Variants in ELMOD1 observed in about 807,000 individuals in gnomAD.
The protein encoded by ELMOD1 is ELMO domain-containing protein 1.
ELMOD1 carries 21 observed loss-of-function variants against 46.7 expected under a neutral mutation model. The observed-to-expected ratio is 0.45, with a 90% CI of 0.32 to 0.65. The LOEUF (loss-of-function observed/expected upper bound fraction) is 0.65. ELMOD1 is among the 30% of genes least tolerant of loss of function. The probability of loss-of-function intolerance (pLI) is 0.04; values close to 1 mark genes in which losing one functional copy is unlikely to be tolerated. For synonymous variants in ELMOD1, 122 were observed against 138.2 expected, an observed-to-expected ratio of 0.88 and a Z score of 0.82; for missense variants, 348 against 407.8, an observed-to-expected ratio of 0.85 and a Z score of 1.26.
At chr11:107,654,718 G>C (rs1164125170) in intron 10 of ELMOD1, among the ~76,000 whole-genome samples, 1 of 148,704 alleles carries the variant, frequency 6.7e-6, no homozygotes, top group Non-Finnish European at 1.5e-5. Flanking sequence ...GCAGTGAGTG[G>C]AGATGGCGCC....
intron 6 of ELMOD1, among the ~76,000 whole-genome samples, chr11:107,645,064 A>T (rs2135703855): frequency 6.8e-6 from 1 of 147,058 alleles, no homozygotes; most frequent in African/African-American, 2.5e-5. Flanking sequence ...CTGGGACTAC[A>T]GGCGCCCACC....
At chr11:107,658,615 T>C (rs962236233) in intron 11 of ELMOD1, among the ~76,000 whole-genome samples, 2 of 152,200 alleles carry the variant, frequency 1.3e-5, no homozygotes, top group African/African-American at 4.8e-5. Context: ...ATTTAGTGAT[T>C]GAGGAAGTAA....
Position 107,650,317 on chromosome 11 carries a change from C to G in ELMOD1, c.555-18C>G, listed in dbSNP as rs762567061. The stretch of plus-strand genomic sequence containing the variant: ...TAAGCAAGTATAGAGTTACGGTTTT[C>G]TTTCCCTCCCGCTGCAGGTATTTCG... On this transcript the variant is annotated intron_variant, in intron 7 of 11. Transcript: ENST00000265840. 19 of 1,554,738 alleles carry G rather than the reference C, an allele frequency of 1.2e-5. No individual in the cohort carries two copies. The Admixed American group carries it at 2.5e-4, about 20-fold the overall frequency.
intron 2 of ELMOD1, among the ~76,000 whole-genome samples, chr11:107,621,292 A>C (rs1461307689): frequency 1.3e-5 from 2 of 152,196 alleles, no homozygotes; most frequent in East Asian, 3.8e-4. Context: ...GCCAAGCTCA[A>C]ACCTCTGTGG....
chr11:107,644,121 A>G (rs1014627934), intron 6 of ELMOD1, among the ~76,000 whole-genome samples: 3 of 152,068 alleles, frequency 2.0e-5, no homozygotes, highest in East Asian at 3.9e-4. Context: ...AAAAAATAAA[A>G]TAAAATAAAA....
intron 1 of ELMOD1, among the ~76,000 whole-genome samples, chr11:107,615,788 A>G (rs1481279706): frequency 6.6e-6 from 1 of 151,756 alleles, no homozygotes; most frequent in Non-Finnish European, 1.5e-5. Context: ...TTTGAGGGGT[A>G]CTGATTAGAT....
rs1866116415 is a variant in ELMOD1, at chr11:107,630,480, A to G, written c.81A>G (p.Val27=). 1 of 1,608,024 alleles carries G rather than the reference A, an allele frequency of 6.2e-7. No individual in the cohort carries two copies. The highest frequency in any genetic ancestry group is 1.1e-5 in the South Asian group (1 of 89,682). The change falls in exon 3 of 12, where the codon GTA becomes GTG. Residue 27 remains valine (V), a synonymous_variant. Coordinates refer to ENST00000265840, the MANE Select transcript of ELMOD1 (RefSeq NM_018712.4). The part of the protein sequence containing the change: ...CKFLWRCLKF[V]MRKLTGRCEL... Reference sequence around the variant, plus strand: ...TTCTGTGGCGCTGCCTGAAATTTGTAATGAGGAAGCTAACTGGAAGATGTG... The same window carrying G: ...TTCTGTGGCGCTGCCTGAAATTTGTGATGAGGAAGCTAACTGGAAGATGTG...
At chr11:107,615,095 A>G (rs561224377) in intron 1 of ELMOD1, among the ~76,000 whole-genome samples, 2 of 152,246 alleles carry the variant, frequency 1.3e-5, no homozygotes, top group South Asian at 4.1e-4. Context: ...TAGTATCCCT[A>G]GTGCCTCACT....
At position 107,666,630 on chromosome 11, in the gene ELMOD1, C is replaced by T. The variant is rs537524355; in HGVS notation, c.*1433C>T. 10 of 152,722 alleles carry T rather than the reference C, an allele frequency of 6.5e-5. No individual in the cohort carries two copies. The highest frequency in any genetic ancestry group is 2.2e-4 in the African/African-American group (9 of 41,544). The allele number at this position is 152,722 out of a possible 1,614,324, so 9.5% of individuals were successfully genotyped here. On this transcript the variant is annotated 3_prime_UTR_variant, in exon 12 of 12. Coordinates refer to ENST00000265840, the MANE Select transcript of ELMOD1 (RefSeq NM_018712.4). ...GTCTGTTGAATAGTATTTACCATGG[C>T]ATTTCATACCCATGGTATTTTATAC... is the stretch of plus-strand genomic sequence containing the variant.
At chr11:107,642,476 C>T (rs530915766) in intron 6 of ELMOD1, among the ~76,000 whole-genome samples, 2 of 149,554 alleles carry the variant, frequency 1.3e-5, no homozygotes, top group Admixed American at 1.3e-4. Context: ...TCAATCAATT[C>T]TCTGCCTCAG....
intron 5 of ELMOD1, among the ~76,000 whole-genome samples, chr11:107,634,402 T>G (rs1866192482): frequency 6.6e-6 from 1 of 152,152 alleles, no homozygotes; most frequent in African/African-American, 2.4e-5. Flanking sequence ...GTACTGTTAT[T>G]CAAATAGTGT....
chr11:107,618,080 C>A, intron 1 of ELMOD1, 25 bp from the exon 2 acceptor site: 1 of 1,253,020 alleles, frequency 8.0e-7, no homozygotes, highest in Non-Finnish European at 1.1e-6. Context: ...AGTAAATATA[C>A]CTAATATCTA....
chr11:107,608,881 AAATGAAT>A (rs1206477107), intron 1 of ELMOD1, among the ~76,000 whole-genome samples: 1 of 152,168 alleles, frequency 6.6e-6, no homozygotes, highest in African/African-American at 2.4e-5. Flanking sequence ...GTTTAGTTTG[AAATGAAT>A]ATACTGTGTA....
chr11:107,637,706 CA>C (rs57052335), intron 6 of ELMOD1, among the ~76,000 whole-genome samples: 39,885 of 145,122 alleles, frequency 0.27, 6,150 homozygotes, highest in Non-Finnish European at 0.36. Context: ...ACAAACAAAC[CA>C]AAAAAAAAAA....
In ELMOD1 at chr11:107,659,299, T is replaced by C. The variant is rs553914030; in HGVS notation, c.832+3233T>C. Among the ~76,000 whole-genome samples, 12 of 152,218 alleles carry C rather than the reference T, an allele frequency of 7.9e-5. 1 individual carries two copies. Among genetic ancestry groups the C allele is most frequent in the Middle Eastern group, 3.4e-3 (1 of 292 alleles). On this transcript the variant is annotated intron_variant, in intron 11 of 11. Transcript: ENST00000265840. Reference sequence around the variant, plus strand: ...TACTTGCCCTGTTCTGTATTTACCATGCTCATTAGAGAAATCAGGGAAGTA... The same window carrying C: ...TACTTGCCCTGTTCTGTATTTACCACGCTCATTAGAGAAATCAGGGAAGTA...
At position 107,618,156 on chromosome 11, in the gene ELMOD1, T is replaced by A; in HGVS notation, c.-34T>A. ...TTTGGAAGCAATTACTTGAGGACAG[T>A]TCATATAGCATCTGGACAGTCAACA... is the stretch of plus-strand genomic sequence containing the variant. On this transcript the variant is annotated 5_prime_UTR_variant, in exon 2 of 12. Coordinates refer to ENST00000265840, the MANE Select transcript of ELMOD1 (RefSeq NM_018712.4). 6.4e-7 allele frequency: 1 copy of A among 1,563,520 alleles called. No individual in the cohort carries two copies.
intron 11 of ELMOD1, among the ~76,000 whole-genome samples, chr11:107,662,847 C>T (rs907030019): frequency 6.6e-6 from 1 of 151,170 alleles, no homozygotes; most frequent in African/African-American, 2.4e-5. Flanking sequence ...AGCTGAGATT[C>T]GCCACTGTGC....
intron 5 of ELMOD1, among the ~76,000 whole-genome samples, chr11:107,633,950 AGTATTCCTAGGCT>A (rs1304957574): frequency 3.9e-5 from 6 of 152,208 alleles, no homozygotes; most frequent in African/African-American, 1.4e-4. Flanking sequence ...ATTAAAGTTC[AGTATTCCTAGGCT>A]GTCTGACTGT....
intron 10 of ELMOD1, among the ~76,000 whole-genome samples, chr11:107,654,503 C>T (rs1323552832): frequency 6.6e-6 from 1 of 152,154 alleles, no homozygotes; most frequent in Non-Finnish European, 1.5e-5. Flanking sequence ...GGCGCGGTGG[C>T]TCACGCCTGT....
Sources: gnomAD v4.1 joint callset for allele counts (sites outside exome capture counted in the v4.1 genomes callset) on GRCh38, gnomAD v4.1.1 for gene constraint, MANE v1.5 for transcripts, NCBI Gene and HGNC (gene_info 2026-07-23, HGNC 2026-07-21) for gene names.